Variants in ANK1 observed in about 807,000 individuals in gnomAD.
The protein encoded by ANK1 is ankyrin 1.
ANK1 carries 51 observed loss-of-function variants against 210.4 expected under a neutral mutation model. That is an observed-to-expected ratio of 0.24 (90% CI 0.19 to 0.31). The LOEUF (loss-of-function observed/expected upper bound fraction) is 0.31, where lower values mean the gene tolerates loss of function less well. Among genes scored for constraint, ANK1 ranks in the 10% least tolerant of loss-of-function variants. The pLI is 1.00. For synonymous variants in ANK1, 967 were observed against 1,025.9 expected (o/e 0.94, Z 1.10); for missense variants, 2,051 against 2,504.4 (o/e 0.82, Z 3.86).
intron 20 of ANK1, among the ~76,000 whole-genome samples, chr8:41,703,450 A>ATATATATATATATATATT (rs59985416): frequency 2.9e-4 from 17 of 58,804 alleles, no homozygotes; most frequent in South Asian, 6.3e-4. Context: ...ATATATATAT[A>ATATATATATATATATATT]TTTTTTTTTT....
chr8:41,895,601 G>A (rs1228436828), intron 1 of ANK1, among the ~76,000 whole-genome samples: 1 of 152,132 alleles, frequency 6.6e-6, no homozygotes, highest in Non-Finnish European at 1.5e-5. Context: ...CTGCCCATGG[G>A]CAGAGCTGGT....
chr8:41,727,919 C>T lies in ANK1; in HGVS notation c.316G>A (p.Ala106Thr), dbSNP rs544048249. 6.2e-7 allele frequency: 1 copy of T among 1,614,156 alleles called. No individual in the cohort carries two copies. The highest frequency in any genetic ancestry group is 8.5e-7 in the Non-Finnish European group (1 of 1,180,018). ...CAGAGAGCCATTACCTGTGACTGGG[C>T]GTTGACGTTGGCTCCATAGTTGACA... is the stretch of plus-strand genomic sequence containing the variant. The part of the protein sequence containing the change: ...ELVNYGANVN[A>T]QSQKGFTPLY... The change falls in exon 4 of 43, where the codon GCC (alanine) becomes ACC (threonine). Residue 106 changes from alanine to threonine, a missense_variant. Around this residue, in one of 6 missense-constraint regions of ANK1, gnomAD observed 72 missense variants for 133.5 expected, o/e 0.54. Coordinates refer to ENST00000289734, the MANE Select transcript of ANK1 (RefSeq NM_000037.4).
chr8:41,744,006 T>C (rs546310), intron 2 of ANK1, among the ~76,000 whole-genome samples: 76,550 of 151,942 alleles, frequency 0.5, 21,110 homozygotes, highest in East Asian at 0.77. Context: ...GCAGGGCAAG[T>C]ACAAAATGAG....
intron 1 of ANK1, among the ~76,000 whole-genome samples, chr8:41,790,809 C>T (rs950297784): frequency 1.3e-5 from 2 of 152,152 alleles, no homozygotes; most frequent in East Asian, 1.9e-4. Flanking sequence ...TCAAAGACTA[C>T]GAAGACATTC....
chr8:41,703,420 GTGTATATATA>G (rs1249349217), intron 20 of ANK1, among the ~76,000 whole-genome samples: 74 of 51,112 alleles, frequency 1.4e-3, no homozygotes, highest in African/African-American at 2.7e-3. Context: ...GTGTGTGTGT[GTGTATATATA>G]TATATATATA....
At chr8:41,684,252 C>T (rs1816994021) in intron 37 of ANK1, among the ~76,000 whole-genome samples, 1 of 152,246 alleles carries the variant, frequency 6.6e-6, no homozygotes, top group African/African-American at 2.4e-5. Context: ...TTTTCTCATA[C>T]ACCACGCCCT....
intron 37 of ANK1, among the ~76,000 whole-genome samples, chr8:41,680,143 G>T (rs961363321): frequency 1.3e-5 from 2 of 152,224 alleles, no homozygotes; most frequent in African/African-American, 4.8e-5. Context: ...ATTGCGATGA[G>T]ACTTGAGAAC....
intron 9 of ANK1, among the ~76,000 whole-genome samples, chr8:41,722,774 G>A (rs1829586535): frequency 6.6e-6 from 1 of 152,174 alleles, no homozygotes; most frequent in South Asian, 2.1e-4. Flanking sequence ...TGCCACCAGT[G>A]TTTGTCAATA....
intron 1 of ANK1, among the ~76,000 whole-genome samples, chr8:41,827,607 T>C (rs1029687693): frequency 6.6e-6 from 1 of 152,080 alleles, no homozygotes; most frequent in African/African-American, 2.4e-5. Context: ...TGACCTGGTT[T>C]TACAAAGGCT....
At chr8:41,693,011 G>A in intron 30 of ANK1, 94 bp downstream of exon 30, 1 of 1,508,456 alleles carries the variant, frequency 6.6e-7, no homozygotes, top group Non-Finnish European at 9.2e-7. Context: ...CCACATGGAG[G>A]GGACAGTGAG....
At chr8:41,679,561 T>TTC in intron 37 of ANK1, among the ~76,000 whole-genome samples, 1 of 131,946 alleles carries the variant, frequency 7.6e-6, no homozygotes, top group South Asian at 2.8e-4. Context: ...GGACTTTCTT[T>TTC]TTTTTTTTTT....
At chr8:41,672,100 G>C (rs1257209596) in intron 38 of ANK1, among the ~76,000 whole-genome samples, 2 of 152,206 alleles carry the variant, frequency 1.3e-5, no homozygotes, top group Non-Finnish European at 2.9e-5. Context: ...ATGTCCCTAT[G>C]TGTGCTCTCC....
At chr8:41,814,135 G>A (rs1802923518) in intron 1 of ANK1, among the ~76,000 whole-genome samples, 2 of 152,214 alleles carry the variant, frequency 1.3e-5, no homozygotes, top group African/African-American at 4.8e-5. Flanking sequence ...GCCGAGGCAG[G>A]TGGATCACGA....
intron 1 of ANK1, among the ~76,000 whole-genome samples, chr8:41,842,112 G>A (rs1809029130): frequency 6.6e-6 from 1 of 152,204 alleles, no homozygotes; most frequent in East Asian, 1.9e-4. Context: ...GCCACCCCAA[G>A]GGAGGCAGCA....
intron 1 of ANK1, among the ~76,000 whole-genome samples, chr8:41,789,663 G>A (rs116074234): frequency 0.011 from 1,716 of 152,294 alleles, 34 homozygotes; most frequent in African/African-American, 0.04. Flanking sequence ...GTTTCAGCAC[G>A]ACCAGTATGG....
intron 1 of ANK1, among the ~76,000 whole-genome samples, chr8:41,808,952 GTATTTGT>G (rs535455110): frequency 2.0e-5 from 3 of 152,234 alleles, no homozygotes; most frequent in African/African-American, 7.2e-5. Flanking sequence ...CTGGCAAAGG[GTATTTGT>G]TGTTATTATG....
chr8:41,880,486 C>T (rs528171629), intron 1 of ANK1, among the ~76,000 whole-genome samples: 1 of 152,184 alleles, frequency 6.6e-6, no homozygotes, highest in African/African-American at 2.4e-5. Context: ...AAGCAGCTGC[C>T]CTCACCCCAG....
At position 41,704,391 on chromosome 8, in the gene ANK1, C is replaced by T; in HGVS notation, c.2179G>A (p.Val727Ile). Residue 727 changes from valine to isoleucine, a missense_variant, in exon 19 of 43, where the codon GTC becomes ATC. Around this residue, in one of 6 missense-constraint regions of ANK1, gnomAD observed 1,413 missense variants for 1,707.4 expected, o/e 0.83. Transcript: ENST00000289734. This position sits in a 1 kb window ranked among gnomAD's most constrained non-coding sequence, Gnocchi z 4.1. ...VKFLLQHQAD[V>I]NAKTKLGYSP... ...CCCTGTACCTTGGTCTTGGCATTGA[C>T]ATCTGCCTGGTGCTGCAGCAGAAAC... 1 of 1,614,130 alleles carries T rather than the reference C, an allele frequency of 6.2e-7. No homozygotes were observed. Among genetic ancestry groups the T allele is most frequent in the Non-Finnish European group, 8.5e-7 (1 of 1,179,990 alleles).
In ANK1 at chr8:41,699,575, G is replaced by A. The variant is rs370168724; in HGVS notation, c.2462-27C>T. The A allele has an allele frequency of 3.8e-5, 61 of 1,601,414 alleles. 1 individual carries two copies. The highest frequency in any genetic ancestry group is 2.0e-4 in the Admixed American group (12 of 60,022). ...TGAAACAGCAAGAGCTCAAGTGAGC[G>A]ACGGGGTAGAGGAAGAAGAGTCCCT... On this transcript the variant is annotated intron_variant, in intron 22 of 42. Coordinates refer to ENST00000289734, the MANE Select transcript of ANK1 (RefSeq NM_000037.4).
Sources: gnomAD v4.1 joint callset for allele counts (sites outside exome capture counted in the v4.1 genomes callset) on GRCh38, gnomAD v4.1.1 for gene constraint, gnomAD v4.1.1 regional missense constraint, Gnocchi (gnomAD v3.1) non-coding constraint, MANE v1.5 for transcripts, NCBI Gene and HGNC (gene_info 2026-07-23, HGNC 2026-07-21) for gene names.